The following METTL15 variants were observed in gnomAD, a reference collection of about 807,000 sequenced individuals.
METTL15 encodes the protein 12S rRNA N(4)-cytidine methyltransferase METTL15.
In METTL15, 34 loss-of-function variants were observed where a neutral mutation model predicts 38.3. That is an observed-to-expected ratio of 0.89 (90% CI 0.68 to 1.18). METTL15 has a LOEUF of 1.18. Among genes scored for constraint, METTL15 ranks in the 50% most tolerant of loss-of-function variants. The pLI is 0.00. For synonymous variants in METTL15, 162 were observed against 170.9 expected (o/e 0.95, Z 0.41); for missense variants, 438 against 498.4 (o/e 0.88, Z 1.15).
chr11:28,175,339 G>T (rs528569516), intron 3 of METTL15, among the ~76,000 whole-genome samples: 2 of 152,038 alleles, frequency 1.3e-5, no homozygotes. Flanking sequence ...TCTTAATCCA[G>T]TCTATCATTG....
At chr11:28,136,321 G>A (rs1411448571) in intron 3 of METTL15, among the ~76,000 whole-genome samples, 2 of 152,046 alleles carry the variant, frequency 1.3e-5, no homozygotes, top group Non-Finnish European at 2.9e-5. Context: ...TAAGTCTCAC[G>A]AGATCTGATG....
intron 5 of METTL15, among the ~76,000 whole-genome samples, chr11:28,416,462 G>T (rs1385637508): frequency 1.3e-5 from 2 of 152,316 alleles, no homozygotes; most frequent in East Asian, 3.9e-4. Flanking sequence ...AATTAAGTAT[G>T]TCCCCTTAGT....
chr11:28,371,506 T>C (rs959259842), intron 5 of METTL15, among the ~76,000 whole-genome samples: 3 of 152,032 alleles, frequency 2.0e-5, no homozygotes, highest in Non-Finnish European at 4.4e-5. Context: ...CTTTGGCTAT[T>C]TGTGCTCTGT....
At chr11:28,116,334 T>G (rs143003975) in intron 3 of METTL15, among the ~76,000 whole-genome samples, 1 of 152,332 alleles carries the variant, frequency 6.6e-6, no homozygotes, top group African/African-American at 2.4e-5. Context: ...TTTTTAAAGA[T>G]AATTTAATGC....
At chr11:28,210,810 A>T (rs527587212) in intron 3 of METTL15, among the ~76,000 whole-genome samples, 1 of 152,094 alleles carries the variant, frequency 6.6e-6, no homozygotes, top group East Asian at 1.9e-4. Context: ...AGAAATATAA[A>T]TTTGTCTTGA....
intron 3 of METTL15, among the ~76,000 whole-genome samples, chr11:28,160,053 A>G (rs1317335554): frequency 6.6e-6 from 1 of 152,126 alleles, no homozygotes; most frequent in Admixed American, 6.6e-5. Flanking sequence ...ATCAGCTGCC[A>G]GCATGGCTAG....
chr11:28,387,500 A>G (rs1850453108), intron 5 of METTL15, among the ~76,000 whole-genome samples: 1 of 152,016 alleles, frequency 6.6e-6, no homozygotes, highest in African/African-American at 2.4e-5. Context: ...TTATAAAAAA[A>G]TAAAAAGCCT....
intron 5 of METTL15, among the ~76,000 whole-genome samples, chr11:28,376,616 T>G (rs1317491897): frequency 1.3e-5 from 2 of 152,204 alleles, no homozygotes; most frequent in Admixed American, 1.3e-4. Context: ...TTTATCCAAT[T>G]TGCCAGTCTG....
intron 6 of METTL15, among the ~76,000 whole-genome samples, chr11:28,506,280 T>C (rs1428295598): frequency 6.6e-6 from 1 of 152,230 alleles, no homozygotes; most frequent in Non-Finnish European, 1.5e-5. Flanking sequence ...GTCCCTATTT[T>C]GATATTTCCT....
chr11:28,452,419 C>CA (rs1564935306), intron 6 of METTL15, among the ~76,000 whole-genome samples: 1 of 151,952 alleles, frequency 6.6e-6, no homozygotes, highest in Non-Finnish European at 1.5e-5. Flanking sequence ...GACAGCAATA[C>CA]AATTCAAGGG....
chr11:28,232,942 A>C (rs959786938), intron 4 of METTL15, among the ~76,000 whole-genome samples: 6 of 152,038 alleles, frequency 3.9e-5, no homozygotes, highest in Admixed American at 3.9e-4. Context: ...AGCAGCATAC[A>C]CATCATGAAG....
At chr11:28,473,461 G>A (rs1418942624) in intron 6 of METTL15, among the ~76,000 whole-genome samples, 1 of 152,194 alleles carries the variant, frequency 6.6e-6, no homozygotes, top group Non-Finnish European at 1.5e-5. Flanking sequence ...CTTATTACAT[G>A]TCTAACCTGT....
chr11:28,173,093 A>G (rs1314215799), intron 3 of METTL15, among the ~76,000 whole-genome samples: 4 of 152,186 alleles, frequency 2.6e-5, no homozygotes, highest in Non-Finnish European at 5.9e-5. Flanking sequence ...TTTTTAAAAA[A>G]AGAGACAAAA....
At chr11:28,490,151 C>T (rs1158648314) in intron 6 of METTL15, among the ~76,000 whole-genome samples, 1 of 152,104 alleles carries the variant, frequency 6.6e-6, no homozygotes, top group Admixed American at 6.5e-5. Flanking sequence ...GGTGTCATGG[C>T]TGAGAAAGAT....
At chr11:28,218,109 C>T (rs1339539186) in intron 4 of METTL15, among the ~76,000 whole-genome samples, 1 of 152,088 alleles carries the variant, frequency 6.6e-6, no homozygotes, top group Non-Finnish European at 1.5e-5. Context: ...TCATTGGTAG[C>T]TTGATGGGGA....
intron 5 of METTL15, among the ~76,000 whole-genome samples, chr11:28,392,129 C>A (rs1349284110): frequency 6.6e-6 from 1 of 152,096 alleles, no homozygotes; most frequent in African/African-American, 2.4e-5. Flanking sequence ...AAAAAACAAA[C>A]AACCCCATCA....
chr11:28,169,836 TCTTA>T (rs1340969581), intron 3 of METTL15, among the ~76,000 whole-genome samples: 2 of 152,156 alleles, frequency 1.3e-5, no homozygotes, highest in Non-Finnish European at 2.9e-5. Flanking sequence ...AATTCTATTC[TCTTA>T]CTTTTGCAGC....
chr11:28,333,432 C>G lies in METTL15; in HGVS notation c.*2591C>G, dbSNP rs528490601. 2 of 152,064 alleles carry G rather than the reference C, an allele frequency of 1.3e-5. No individual in the cohort carries two copies. Among genetic ancestry groups the G allele is most frequent in the Non-Finnish European group, 2.9e-5 (2 of 68,000 alleles). The allele number at this position is 152,064 out of a possible 1,614,324, so 9.4% of individuals were successfully genotyped here. A position where few individuals can be genotyped will look rare whatever the true frequency, so the allele number is the denominator to read the frequency against. On this transcript the variant is annotated 3_prime_UTR_variant, in exon 7 of 7. Transcript: ENST00000407364. ...CTTTGGAGAATGGTTTTGGGAAGTT[C>G]CTACAGTACACAGAAATAAAAGCTA...
At chr11:28,435,609 T>C (rs1344929524) in intron 6 of METTL15, among the ~76,000 whole-genome samples, 1 of 152,202 alleles carries the variant, frequency 6.6e-6, no homozygotes, top group African/African-American at 2.4e-5. Context: ...CAGAGATGTC[T>C]CTCTACAAGT....
Sources: allele counts gnomAD v4.1 joint callset (sites outside exome capture counted in the v4.1 genomes callset), GRCh38; gene constraint gnomAD v4.1.1; transcripts MANE v1.5; gene names NCBI Gene and HGNC (gene_info 2026-07-23, HGNC 2026-07-21).